PCDHA4: variants seen among roughly 807,000 people sequenced by gnomAD.
PCDHA4 encodes the protein protocadherin alpha-4.
In PCDHA4, 49 loss-of-function variants were observed where a neutral mutation model predicts 61.4. That is an observed-to-expected ratio of 0.80 (90% confidence interval 0.63 to 1.01). The LOEUF is 1.01. Among genes scored for constraint, PCDHA4 ranks in the 50% least tolerant of loss-of-function variants. The pLI is 0.00. For synonymous variants in PCDHA4, 590 were observed against 550.3 expected, an observed-to-expected ratio of 1.07 and a Z score of -1.01; for missense variants, 1,254 against 1,235.8, an observed-to-expected ratio of 1.01 and a Z score of -0.22.
rs200097598 is a variant in PCDHA4 at position 140,842,988 on chromosome 5, T to C, written c.2385+33416T>C. On this transcript the variant is annotated intron_variant, in intron 1 of 3. Coordinates refer to ENST00000530339, the MANE Select transcript of PCDHA4 (RefSeq NM_018907.4). ...AACGTGACGCTGCAGGTGTTCGTGC[T>C]GGACGAGAATGACAACGCGCCGGCA... 2.2e-4 allele frequency: 358 copies of C among 1,595,006 alleles called. 36 individuals are homozygous for C. Among genetic ancestry groups the C allele is most frequent in the Non-Finnish European group, 2.9e-4 (341 of 1,165,496 alleles).
chr5:140,844,242 G>T (rs73280579), intron 1 of PCDHA4, among the ~76,000 whole-genome samples: 1 of 149,206 alleles, frequency 6.7e-6, no homozygotes. Flanking sequence ...CACTATTGCC[G>T]TTTTAAGCAG....
intron 1 of PCDHA4, chr5:140,883,557 G>A (rs868923862): frequency 6.2e-7 from 1 of 1,614,214 alleles, no homozygotes; most frequent in Non-Finnish European, 8.5e-7. Flanking sequence ...GCGCGGGACG[G>A]GGGCTCGCCT....
At chr5:140,984,177 A>G (rs1337365733) in intron 3 of PCDHA4, among the ~76,000 whole-genome samples, 3 of 152,190 alleles carry the variant, frequency 2.0e-5, no homozygotes, top group Non-Finnish European at 4.4e-5. Context: ...AAGCCACGTG[A>G]AATCATGACT....
Position 140,807,077 on chromosome 5 carries a change from C to T in PCDHA4, c.-111C>T. ...CTTACTGGAAGGAACCATATACACT[C>T]TTTGGAGTCTGAAATATGGAGGATG... is the stretch of plus-strand genomic sequence containing the variant. On this transcript the variant is annotated 5_prime_UTR_variant, in exon 1 of 4. Transcript: ENST00000530339. The T allele has an allele frequency of 8.0e-7, 1 of 1,247,972 alleles. No homozygotes were observed. The highest frequency in any genetic ancestry group is 1.1e-6 in the Non-Finnish European group (1 of 888,468). The allele number at this position is 1,247,972 out of a possible 1,614,324, so 77.3% of individuals were successfully genotyped here.
At chr5:140,894,658 G>A (rs962936177) in intron 1 of PCDHA4, among the ~76,000 whole-genome samples, 4 of 151,172 alleles carry the variant, frequency 2.6e-5, no homozygotes, top group Non-Finnish European at 5.9e-5. Flanking sequence ...CTCTAATTCT[G>A]ATTTGTGTAT....
rs990142871 is a variant in PCDHA4, at chr5:140,854,493, T to G, written c.2385+44921T>G. 2.7e-5 allele frequency: 4 copies of G among 149,954 alleles called. No homozygotes were observed. The Admixed American group carries it at 2.7e-4, about 10-fold the overall frequency. The allele number at this position is 149,954 out of a possible 1,614,324, so 9.3% of individuals were successfully genotyped here. On this transcript the variant is annotated intron_variant, in intron 1 of 3. Transcript: ENST00000530339. ...AGAGAAGTATAGAAACAGAATTTAG[T>G]AGGACACATAAACTGATGGATTAAG...
chr5:140,908,270 G>A (rs1554193271), intron 1 of PCDHA4, among the ~76,000 whole-genome samples: 1 of 152,154 alleles, frequency 6.6e-6, no homozygotes, highest in African/African-American at 2.4e-5. Context: ...AACTCCCCAT[G>A]AGGCCATTGT....
intron 1 of PCDHA4, among the ~76,000 whole-genome samples, chr5:140,914,820 C>T (rs1277610128): frequency 6.6e-6 from 1 of 151,970 alleles, no homozygotes; most frequent in African/African-American, 2.4e-5. Flanking sequence ...TAACAGACTG[C>T]ATAAACAAAA....
At chr5:140,980,704 G>T (rs2153822525) in intron 2 of PCDHA4, among the ~76,000 whole-genome samples, 1 of 151,890 alleles carries the variant, frequency 6.6e-6, no homozygotes, top group East Asian at 1.9e-4. Context: ...AGCCAAATGT[G>T]CTCCTATTCG....
At chr5:140,924,765 C>T (rs574213548) in intron 1 of PCDHA4, among the ~76,000 whole-genome samples, 2 of 151,640 alleles carry the variant, frequency 1.3e-5, no homozygotes, top group Non-Finnish European at 2.9e-5. Context: ...CATGGTGGTG[C>T]GCGCTTGTAG....
At chr5:140,883,038 A>G (rs782789489) in intron 1 of PCDHA4, 3 of 1,614,160 alleles carry the variant, frequency 1.9e-6, no homozygotes, top group East Asian at 2.2e-5. Context: ...AACGCCTTCA[A>G]TGGAACATTA....
At chr5:140,823,016 G>A (rs2150121334) in intron 1 of PCDHA4, 8 of 1,614,216 alleles carry the variant, frequency 5.0e-6, no homozygotes, top group East Asian at 2.2e-5. Context: ...GCCCTGGACC[G>A]CGAGAGCGTG....
rs546510910 is a variant in PCDHA4, at chr5:140,894,996, C to G, written c.2386-83953C>G. ...GTCTTACTTTGTGACATCCTTTACC[C>G]TTTTTACTTGGACCTTTTTCCTTTG... is the stretch of plus-strand genomic sequence containing the variant. On this transcript the variant is annotated intron_variant, in intron 1 of 3. Transcript: ENST00000530339. Among the ~76,000 whole-genome samples, 5 of 152,204 alleles carry G rather than the reference C, an allele frequency of 3.3e-5. No homozygotes were observed. The East Asian group carries it at 9.6e-4, about 29-fold the overall frequency.
intron 1 of PCDHA4, among the ~76,000 whole-genome samples, chr5:140,826,711 G>A (rs1554130645): frequency 6.6e-6 from 1 of 152,172 alleles, no homozygotes; most frequent in African/African-American, 2.4e-5. Flanking sequence ...GTGGTATTGA[G>A]AAAGAGGAAG....
chr5:140,834,630 A>G (rs2150223003), intron 1 of PCDHA4: 2 of 1,614,158 alleles, frequency 1.2e-6, no homozygotes, highest in Non-Finnish European at 8.5e-7. Context: ...GCAGAATGGC[A>G]TTTTGTTTGT....
intron 1 of PCDHA4, chr5:140,883,519 C>G: frequency 6.2e-7 from 1 of 1,614,190 alleles, no homozygotes; most frequent in South Asian, 1.1e-5. Context: ...ACCGCGAGAG[C>G]GTATCAGCCT....
chr5:140,836,312 G>T, intron 1 of PCDHA4: 1 of 1,613,712 alleles, frequency 6.2e-7, no homozygotes, highest in Middle Eastern at 1.6e-4. Flanking sequence ...CGGACGCACC[G>T]CGCCACCGCC....
chr5:140,967,460 G>C, intron 1 of PCDHA4: 1 of 1,613,538 alleles, frequency 6.2e-7, no homozygotes, highest in African/African-American at 1.3e-5. Context: ...AGCCGTGGAT[G>C]GGGGCATCCC....
intron 1 of PCDHA4, chr5:140,853,180 A>G (rs2150529700): frequency 2.0e-6 from 2 of 976,402 alleles, no homozygotes. Flanking sequence ...CGCCTGGCCT[A>G]AAATGTGTTC....
Sources: gnomAD v4.1 joint callset for allele counts (sites outside exome capture counted in the v4.1 genomes callset) on GRCh38, gnomAD v4.1.1 for gene constraint, MANE v1.5 for transcripts, NCBI Gene and HGNC (gene_info 2026-07-23, HGNC 2026-07-21) for gene names.